Variants in GUCA2A observed in about 807,000 individuals in gnomAD.
GUCA2A encodes guanylin.
GUCA2A carries 17 observed loss-of-function variants against 11.2 expected under a neutral mutation model. The observed-to-expected ratio is 1.52, with a 90% confidence interval of 1.04 to 2.28. The LOEUF (loss-of-function observed/expected upper bound fraction) is 2.28. GUCA2A is among the 30% of genes most tolerant of loss of function. The probability of loss-of-function intolerance (pLI) is 0.00; values close to 1 mark genes in which losing one functional copy is unlikely to be tolerated. For synonymous variants in GUCA2A, 64 were observed against 57.1 expected, an observed-to-expected ratio of 1.12 and a Z score of -0.54; for missense variants, 173 against 139.3, an observed-to-expected ratio of 1.24 and a Z score of -1.22.
rs1646134512 is a variant in GUCA2A at position 42,162,738 on chromosome 1, A to T, written c.*168T>A. 1.6e-6 allele frequency: 1 copy of T among 618,160 alleles called. No individual in the cohort carries two copies. The highest frequency in any genetic ancestry group is 2.9e-6 in the Non-Finnish European group (1 of 346,562). 38.3% of individuals were successfully genotyped at this position (618,160 alleles called of 1,614,324 possible). On this transcript the variant is annotated 3_prime_UTR_variant, in exon 3 of 3. Coordinates refer to ENST00000357001, the MANE Select transcript of GUCA2A (RefSeq NM_033553.3). ...CTGGGGGTTGAAGTGGCAGGGAAGG[A>T]CAGTGTTGGGGCGAGGCCTCCAGTC...
rs1279032953 is a variant in GUCA2A, at chr1:42,164,661, A to C, written c.52T>G (p.Leu18Val). ...ALCLLGAWAA[L>V]AGGVTVQDGN... ...ACCTGCACGGTGACCCCTCCTGCCAAGGCGGCCCAGGCCCCAAGGAGGCAC... is the reference window on the plus strand; with the variant it reads ...ACCTGCACGGTGACCCCTCCTGCCACGGCGGCCCAGGCCCCAAGGAGGCAC... The change falls in exon 1 of 3, where the codon TTG (leucine) becomes GTG (valine). Residue 18 changes from leucine to valine, a missense_variant. By Grantham distance (32) the Leu-to-Val change is conservative (BLOSUM62 1). Coordinates refer to ENST00000357001, the MANE Select transcript of GUCA2A (RefSeq NM_033553.3). 2 of 1,550,662 alleles carry C rather than the reference A, an allele frequency of 1.3e-6. No homozygotes were observed. Among genetic ancestry groups the C allele is most frequent in the South Asian group, 2.4e-5 (2 of 84,050 alleles).
chr1:42,163,445 G>A lies in GUCA2A; in HGVS notation c.241C>T (p.Leu81Phe), dbSNP rs145850777. 2.8e-5 allele frequency: 45 copies of A among 1,613,880 alleles called. No homozygotes were observed. Among genetic ancestry groups the A allele is most frequent in the Non-Finnish European group, 3.4e-5 (40 of 1,179,878 alleles). Reference protein sequence around the residue: ...NPNFPEELKPLCKEPNAQEIL... With the variant: ...NPNFPEELKPFCKEPNAQEIL... ...TCCTGGGCATTGGGCTCCTTGCAGAGAGGCTTGAGTTCTTCTGGAAAGTTC... is the reference window on the plus strand; with the variant it reads ...TCCTGGGCATTGGGCTCCTTGCAGAAAGGCTTGAGTTCTTCTGGAAAGTTC... Residue 81 changes from leucine to phenylalanine, a missense_variant, in exon 2 of 3, where the codon CTC becomes TTC. By Grantham distance (22) the Leu-to-Phe change is conservative. Coordinates refer to ENST00000357001, the MANE Select transcript of GUCA2A (RefSeq NM_033553.3).
chr1:42,163,650 C>T (rs774789403), intron 1 of GUCA2A, 40 bp from the exon 2 acceptor site: 1 of 1,413,636 alleles, frequency 7.1e-7, no homozygotes. Context: ...CAGGCTGCAG[C>T]CTGCTTCCTG....
intron 1 of GUCA2A, 26 bp from the exon 2 acceptor site, chr1:42,163,636 A>T: frequency 6.6e-7 from 1 of 1,523,522 alleles, no homozygotes; most frequent in Admixed American, 1.7e-5. Flanking sequence ...CCAGAGCATG[A>T]GGCCAGGCTG....
rs756307164 is a variant in GUCA2A at position 42,163,553 on chromosome 1, G to C, written c.133C>G (p.Pro45Ala). The change falls in exon 2 of 3, where the codon CCC (proline) becomes GCC (alanine). Residue 45 changes from proline to alanine, a missense_variant. By Grantham distance (27) the Pro-to-Ala change is conservative. Transcript: ENST00000357001. ...AGTTTCCCAACCCTGGGCTCCTGGG[G>C]CTCCTGGAGGTCTTTGAGCTTCTTC... is the stretch of plus-strand genomic sequence containing the variant. ...SVKKLKDLQE[P>A]QEPRVGKLRN... 5 of 1,613,776 alleles carry C rather than the reference G, an allele frequency of 3.1e-6. No homozygotes were observed. In the South Asian group the frequency reaches 5.5e-5, roughly 18 times the overall value.
At position 42,163,181 on chromosome 1, in the gene GUCA2A, A is replaced by T. The variant is rs543071675; in HGVS notation, c.284-211T>A. 6.6e-5 allele frequency among the ~76,000 whole-genome samples: 10 copies of T among 152,250 alleles called. No homozygotes were observed. The East Asian group carries it at 1.7e-3, about 26-fold the overall frequency. ...AGAGATTCCACCAGAAAGAGAGGAA[A>T]CTAAGACCAGATGAATGGTCTTAGT... On this transcript the variant is annotated intron_variant, in intron 2 of 2. Coordinates refer to ENST00000357001, the MANE Select transcript of GUCA2A (RefSeq NM_033553.3).
rs1471133377 is a variant in GUCA2A, at chr1:42,164,641, C to T, written c.72G>A (p.Val24=). The T allele has an allele frequency of 1.9e-6, 3 of 1,540,602 alleles. No homozygotes were observed. Among genetic ancestry groups the T allele is most frequent in the Non-Finnish European group, 2.6e-6 (3 of 1,137,750 alleles). The change falls in exon 1 of 3, where the codon GTG becomes GTA. Residue 24 remains valine, a synonymous_variant. Coordinates refer to ENST00000357001, the MANE Select transcript of GUCA2A (RefSeq NM_033553.3). ...AWAALAGGVT[V]QDGNFSFSLE... ...GGGGTAGGGACACAGGACTCACCTGCACGGTGACCCCTCCTGCCAAGGCGG... is the reference window on the plus strand; with the variant it reads ...GGGGTAGGGACACAGGACTCACCTGTACGGTGACCCCTCCTGCCAAGGCGG...
rs112720589 is a variant in GUCA2A at position 42,163,429 on chromosome 1, T to C, written c.257A>G (p.Asn86Ser). The change falls in exon 2 of 3, where the codon AAT becomes AGT. Residue 86 changes from asparagine to serine, a missense_variant. Physicochemically the swap from Asn to Ser is conservative, Grantham distance 46. Transcript: ENST00000357001. ...CAGCCTCTGAAGTATCTCCTGGGCA[T>C]TGGGCTCCTTGCAGAGAGGCTTGAG... Reference protein sequence around the residue: ...EELKPLCKEPNAQEILQRLEE... With the variant: ...EELKPLCKEPSAQEILQRLEE... 11 of 1,613,226 alleles carry C rather than the reference T, an allele frequency of 6.8e-6. No homozygotes were observed. The highest frequency in any genetic ancestry group is 2.7e-5 in the African/African-American group (2 of 75,020).
chr1:42,164,326 C>T (rs1440502076), intron 1 of GUCA2A, among the ~76,000 whole-genome samples: 1 of 152,244 alleles, frequency 6.6e-6, no homozygotes, highest in African/African-American at 2.4e-5. Context: ...TGATCCCTTT[C>T]TTCCAGGTTG....
Position 42,162,747 on chromosome 1 carries a change from G to A in GUCA2A, c.*159C>T. On this transcript the variant is annotated 3_prime_UTR_variant, in exon 3 of 3. Coordinates refer to ENST00000357001, the MANE Select transcript of GUCA2A (RefSeq NM_033553.3). ...GAAGTGGCAGGGAAGGACAGTGTTG[G>A]GGCGAGGCCTCCAGTCACCCAGTTC... The A allele has an allele frequency of 1.6e-6, 1 of 637,888 alleles. No homozygotes were observed. The highest frequency in any genetic ancestry group is 2.8e-6 in the Non-Finnish European group (1 of 355,734). 39.5% of individuals were successfully genotyped at this position (637,888 alleles called of 1,614,324 possible).
At chr1:42,164,381 G>A (rs909221370) in intron 1 of GUCA2A, among the ~76,000 whole-genome samples, 1 of 152,224 alleles carries the variant, frequency 6.6e-6, no homozygotes, top group Non-Finnish European at 1.5e-5. Context: ...CCGGCACATA[G>A]GACACTCAGT....
At chr1:42,163,078 G>T (rs945127554) in intron 2 of GUCA2A, 108 bp from the exon 3 acceptor site, 4 of 881,452 alleles carry the variant, frequency 4.5e-6, no homozygotes, top group Non-Finnish European at 7.4e-6. Context: ...GAGAATCTCA[G>T]CAGGCCCGTA....
chr1:42,164,675 C>T lies in GUCA2A; in HGVS notation c.38G>A (p.Gly13Glu), dbSNP rs774756378. 19 of 1,551,702 alleles carry T rather than the reference C, an allele frequency of 1.2e-5. No individual in the cohort carries two copies. The East Asian group carries it at 3.2e-4, about 26-fold the overall frequency. The change falls in exon 1 of 3, where the codon GGG (glycine) becomes GAG (glutamate). Residue 13 changes from glycine (G) to glutamate (E), a missense_variant. Gly to Glu is a moderately conservative substitution (Grantham distance 98). Transcript: ENST00000357001. ...CCCTCCTGCCAAGGCGGCCCAGGCC[C>T]CAAGGAGGCACAGTGCGGAGAGCAG... ...AFLLSALCLL[G>E]AWAALAGGVT...
Position 42,162,991 on chromosome 1 carries a change from C to A in GUCA2A, c.284-21G>T, listed in dbSNP as rs78739446. On this transcript the variant is annotated intron_variant, in intron 2 of 2. Transcript: ENST00000357001. The stretch of plus-strand genomic sequence containing the variant: ...TTCCTCTGCACAACAGAGATGGAGC[C>A]TCGTGAGAACCAGCATTTCCTCGCG... 2.6e-3 allele frequency: 4,116 copies of A among 1,603,986 alleles called. 88 individuals carry two copies. In the African/African-American group the frequency reaches 0.048, roughly 19 times the overall value.
In GUCA2A at chr1:42,162,916, G is replaced by A. The variant is rs756586479; in HGVS notation, c.338C>T (p.Thr113Ile). Residue 113 changes from threonine (T) to isoleucine (I), a missense_variant, in exon 3 of 3, where the codon ACC (threonine) becomes ATC (isoleucine). Coordinates refer to ENST00000357001, the MANE Select transcript of GUCA2A (RefSeq NM_033553.3). ...TCEICAYAACTGC is the reference protein window; with the variant it reads ...TCEICAYAACIGC Reference sequence around the variant, plus strand: ...AGTGGGCAAGCCCCCCTAGCATCCGGTACAGGCAGCGTAGGCACAGATTTC... The same window carrying A: ...AGTGGGCAAGCCCCCCTAGCATCCGATACAGGCAGCGTAGGCACAGATTTC... 1 of 1,613,324 alleles carries A rather than the reference G, an allele frequency of 6.2e-7. No homozygotes were observed. The highest frequency in any genetic ancestry group is 1.1e-5 in the South Asian group (1 of 91,066).
intron 2 of GUCA2A, 49 bp from the exon 3 acceptor site, chr1:42,163,019 G>T: frequency 6.9e-7 from 1 of 1,440,994 alleles, no homozygotes; most frequent in Non-Finnish European, 9.8e-7. Context: ...TCCTCGCGAG[G>T]CCCCTGCCGC....
At chr1:42,163,327 C>T in intron 2 of GUCA2A, 76 bp downstream of exon 2, 2 of 948,724 alleles carry the variant, frequency 2.1e-6, no homozygotes, top group Non-Finnish European at 3.3e-6. Context: ...TCCCACCAAT[C>T]AGAGCACATC....
At chr1:42,163,374 AC>A in intron 2 of GUCA2A, 28 bp downstream of exon 2, 1 of 1,458,792 alleles carries the variant, frequency 6.9e-7, no homozygotes, top group Non-Finnish European at 9.6e-7. Context: ...CCCGAACCCC[AC>A]CAATCAGAGA....
At chr1:42,164,497 A>G (rs1646143882) in intron 1 of GUCA2A, 141 bp downstream of exon 1, 1 of 623,430 alleles carries the variant, frequency 1.6e-6, no homozygotes. Context: ...GGCTGGACTG[A>G]GCAGGAGCTC....
Sources: allele counts gnomAD v4.1 joint callset (sites outside exome capture counted in the v4.1 genomes callset), GRCh38; gene constraint gnomAD v4.1.1; transcripts MANE v1.5; gene names NCBI Gene and HGNC (gene_info 2026-07-23, HGNC 2026-07-21).